The following PTPRQ variants were observed in gnomAD, a reference collection of about 807,000 sequenced individuals.
The protein encoded by PTPRQ is phosphatidylinositol phosphatase PTPRQ.
In PTPRQ, 199 loss-of-function variants were observed where a neutral mutation model predicts 246.0. That is an observed-to-expected ratio of 0.81 (90% confidence interval 0.72 to 0.91). The LOEUF (loss-of-function observed/expected upper bound fraction) is 0.91, where lower values mean the gene tolerates loss of function less well. Among genes scored for constraint, PTPRQ ranks in the 40% least tolerant of loss-of-function variants. The pLI, the probability that PTPRQ is intolerant of heterozygous loss-of-function variation, is 0.00. For synonymous variants in PTPRQ, 869 were observed against 853.2 expected, an observed-to-expected ratio of 1.02 and a Z score of -0.32; for missense variants, 2,624 against 2,528.4, an observed-to-expected ratio of 1.04 and a Z score of -0.81.
rs748593142 is a variant in PTPRQ at position 80,679,893 on chromosome 12, G to C, written c.*870G>C. 2.6e-5 allele frequency: 4 copies of C among 151,854 alleles called. No individual in the cohort carries two copies. The highest frequency in any genetic ancestry group is 1.3e-4 in the Admixed American group (2 of 15,194). The allele number at this position is 151,854 out of a possible 1,614,324, so 9.4% of individuals were successfully genotyped here. On this transcript the variant is annotated 3_prime_UTR_variant, in exon 45 of 45. Coordinates refer to ENST00000644991, the MANE Select transcript of PTPRQ (RefSeq NM_001145026.2). ...CAAAAGAGTAATAAAAACACTGTGC[G>C]TGTTTCAAGCTTGTAAACCAATGAT...
chr12:80,475,574 T>C (rs1475899935), intron 8 of PTPRQ, among the ~76,000 whole-genome samples: 2 of 152,076 alleles, frequency 1.3e-5, no homozygotes, highest in Non-Finnish European at 2.9e-5. Context: ...CCATAAGAAT[T>C]TGTGGTCTAA....
intron 17 of PTPRQ, among the ~76,000 whole-genome samples, chr12:80,533,482 C>A (rs2895801): frequency 0.35 from 53,343 of 151,804 alleles, 11,718 homozygotes; most frequent in African/African-American, 0.62. Context: ...TTTCCAATCT[C>A]ATTTCTATTA....
chr12:80,629,173 C>CACAG (rs1555208140), intron 33 of PTPRQ, among the ~76,000 whole-genome samples: 1 of 150,700 alleles, frequency 6.6e-6, no homozygotes, highest in Non-Finnish European at 1.5e-5. Context: ...CACACACACA[C>CACAG]AGAGAGAGAG....
intron 8 of PTPRQ, among the ~76,000 whole-genome samples, chr12:80,474,747 T>G (rs902357992): frequency 2.2e-4 from 34 of 152,028 alleles, no homozygotes; most frequent in Admixed American, 1.7e-3. Flanking sequence ...GTGTGAGGGG[T>G]AAAAAAAATA....
intron 19 of PTPRQ, among the ~76,000 whole-genome samples, chr12:80,538,703 T>C (rs1896059799): frequency 6.6e-6 from 1 of 152,188 alleles, no homozygotes; most frequent in African/African-American, 2.4e-5. Flanking sequence ...TTCAGAACCA[T>C]TCTTACTATA....
chr12:80,473,186 A>C (rs1239695586), intron 8 of PTPRQ, among the ~76,000 whole-genome samples: 1 of 152,212 alleles, frequency 6.6e-6, no homozygotes, highest in Non-Finnish European at 1.5e-5. Flanking sequence ...TTTTGAAAGA[A>C]CATAAAAGTT....
chr12:80,524,071 A>G (rs151170804), intron 17 of PTPRQ, among the ~76,000 whole-genome samples: 2 of 152,332 alleles, frequency 1.3e-5, no homozygotes, highest in African/African-American at 4.8e-5. Context: ...GTATATATTT[A>G]GGATCGATAG....
At chr12:80,483,419 T>C (rs1337521192) in intron 8 of PTPRQ, among the ~76,000 whole-genome samples, 1 of 145,334 alleles carries the variant, frequency 6.9e-6, no homozygotes, top group Non-Finnish European at 1.5e-5. Flanking sequence ...GAGATATACC[T>C]AATGCTAGAT....
chr12:80,447,366 T>G (rs1203994253), intron 3 of PTPRQ, among the ~76,000 whole-genome samples: 2 of 152,016 alleles, frequency 1.3e-5, no homozygotes, highest in African/African-American at 4.8e-5. Flanking sequence ...CTCTGTTAAT[T>G]ATTTCCTTTG....
intron 3 of PTPRQ, among the ~76,000 whole-genome samples, chr12:80,447,225 G>GT (rs1216080141): frequency 6.6e-6 from 1 of 151,722 alleles, no homozygotes; most frequent in African/African-American, 2.4e-5. Context: ...GTCTGTTTAT[G>GT]TTTTTTGTCC....
intron 25 of PTPRQ, among the ~76,000 whole-genome samples, chr12:80,572,178 C>G (rs561859342): frequency 1.9e-4 from 29 of 151,972 alleles, no homozygotes; most frequent in African/African-American, 6.0e-4. Context: ...TATTATTTCT[C>G]CATTTTTAAA....
At chr12:80,525,171 G>A (rs1895643709) in intron 17 of PTPRQ, among the ~76,000 whole-genome samples, 2 of 152,132 alleles carry the variant, frequency 1.3e-5, no homozygotes, top group South Asian at 2.1e-4. Context: ...AGTAGAGCTT[G>A]TTCAGGGAGA....
At chr12:80,566,066 A>G (rs1896969368) in intron 25 of PTPRQ, among the ~76,000 whole-genome samples, 1 of 152,228 alleles carries the variant, frequency 6.6e-6, no homozygotes, top group Non-Finnish European at 1.5e-5. Flanking sequence ...TTCTATGTCT[A>G]GATACCTTTT....
chr12:80,521,678 T>C lies in PTPRQ; in HGVS notation c.2678+11235T>C, dbSNP rs189406978. Among the ~76,000 whole-genome samples, 57 of 152,294 alleles carry C rather than the reference T, an allele frequency of 3.7e-4. 1 individual carries two copies. Among genetic ancestry groups the C allele is most frequent in the South Asian group, 6.2e-4 (3 of 4,820 alleles). ...GTCAAAGATCAGATAGTTGTAGATA[T>C]GAGGCGTTATTTCTGAGGGCTCTGT... On this transcript the variant is annotated intron_variant, in intron 17 of 44. Coordinates refer to ENST00000644991, the MANE Select transcript of PTPRQ (RefSeq NM_001145026.2).
chr12:80,625,574 A>G (rs1899171157), intron 33 of PTPRQ, among the ~76,000 whole-genome samples: 2 of 152,166 alleles, frequency 1.3e-5, no homozygotes, highest in African/African-American at 2.4e-5. Context: ...AAGAATCACC[A>G]TAGACTGATA....
Position 80,459,356 on chromosome 12 carries a change from C to G in PTPRQ, c.533C>G (p.Pro178Arg). 1 of 398,416 alleles carries G rather than the reference C, an allele frequency of 2.5e-6. No individual in the cohort carries two copies. The highest frequency in any genetic ancestry group is 4.4e-6 in the Non-Finnish European group (1 of 225,978). 24.7% of individuals were successfully genotyped at this position (398,416 alleles called of 1,614,324 possible). A position where few individuals can be genotyped will look rare whatever the true frequency, so the allele number is the denominator to read the frequency against. The change falls in exon 5 of 45, where the codon CCT becomes CGT. Residue 178 changes from proline (P) to arginine (R), a missense_variant. Physicochemically the swap from Pro to Arg is moderately radical, Grantham distance 103. Transcript: ENST00000644991. The stretch of plus-strand genomic sequence containing the variant: ...GCAGTTAAGCTGATTTGGTATTTAC[C>G]TCGGCAACCAAATGGCAAAATTACC... ...ASAVKLIWYL[P>R]RQPNGKITSF...
intron 25 of PTPRQ, among the ~76,000 whole-genome samples, chr12:80,575,008 C>T (rs1330803852): frequency 6.6e-6 from 1 of 152,112 alleles, no homozygotes; most frequent in Non-Finnish European, 1.5e-5. Context: ...TTTCCTTTTC[C>T]AAGTTCATAC....
At position 80,459,532 on chromosome 12, in the gene PTPRQ, T is replaced by G. The variant is rs189130342; in HGVS notation, c.660+49T>G. 381 of 370,430 alleles carry G rather than the reference T, an allele frequency of 1.0e-3. 1 individual carries two copies. Among genetic ancestry groups the G allele is most frequent in the East Asian group, 5.9e-3 (165 of 28,018 alleles). The allele number at this position is 370,430 out of a possible 1,614,324, so 22.9% of individuals were successfully genotyped here. On this transcript the variant is annotated intron_variant, in intron 5 of 44. Coordinates refer to ENST00000644991, the MANE Select transcript of PTPRQ (RefSeq NM_001145026.2). ...ATGTCTTGAAAAATCTTAGATAAATTTAATTTTCATATTTCTAGCATCTAG... is the reference window on the plus strand; with the variant it reads ...ATGTCTTGAAAAATCTTAGATAAATGTAATTTTCATATTTCTAGCATCTAG...
chr12:80,549,605 C>T lies in PTPRQ; in HGVS notation c.4156C>T (p.Pro1386Ser), dbSNP rs1213478167. ...TVERNSTKVS[P>S]QDHMYTFIKL... ...TGAAAGGAATTCTACAAAAGTTTCT[C>T]CCCAAGATCACATGTACACTTTCAT... The change falls in exon 25 of 45, where the codon CCC becomes TCC. Residue 1386 changes from proline to serine, a missense_variant. Transcript: ENST00000644991. The T allele has an allele frequency of 6.4e-7, 1 of 1,551,068 alleles. No individual in the cohort carries two copies. Among genetic ancestry groups the T allele is most frequent in the Non-Finnish European group, 8.7e-7 (1 of 1,146,622 alleles).
Sources: allele counts gnomAD v4.1 joint callset (sites outside exome capture counted in the v4.1 genomes callset), GRCh38; gene constraint gnomAD v4.1.1; transcripts MANE v1.5; gene names NCBI Gene and HGNC (gene_info 2026-07-23, HGNC 2026-07-21).